USO1: variants seen among roughly 807,000 people sequenced by gnomAD.
USO1 encodes the protein USO1 vesicle transport factor, also known as general vesicular transport factor p115.
In USO1, 57 loss-of-function variants were observed where a neutral mutation model predicts 124.5. That is an observed-to-expected ratio of 0.46 (90% CI 0.37 to 0.57). The LOEUF (loss-of-function observed/expected upper bound fraction) is 0.57. Among genes scored for constraint, USO1 ranks in the 20% least tolerant of loss-of-function variants. The pLI is 0.00. For missense variants in USO1, 900 were observed against 1,040.6 expected (o/e 0.86, Z 1.86); for synonymous variants, 369 against 362.8 (o/e 1.02, Z -0.19).
In USO1 at chr4:75,733,908, A is replaced by T. The variant is rs780004515; in HGVS notation, c.66+9023A>T. Among the ~76,000 whole-genome samples, 210 of 144,198 alleles carry T rather than the reference A, an allele frequency of 1.5e-3. 1 individual carries two copies. The highest frequency in any genetic ancestry group is 2.4e-3 in the Non-Finnish European group (157 of 66,304). 94.6% of individuals were successfully genotyped at this position (144,198 alleles called of 152,430 possible). On this transcript the variant is annotated intron_variant, in intron 1 of 23. Transcript: ENST00000514213. ...TTCTTTGCCAAGGCCAATGTCCAGGATGATATCTCCTAGATTTTCTTCGAG... is the reference window on the plus strand; with the variant it reads ...TTCTTTGCCAAGGCCAATGTCCAGGTTGATATCTCCTAGATTTTCTTCGAG...
chr4:75,728,432 G>A (rs1577919119), intron 1 of USO1, among the ~76,000 whole-genome samples: 1 of 152,146 alleles, frequency 6.6e-6, no homozygotes, highest in East Asian at 1.9e-4. Flanking sequence ...AGACCAGCCT[G>A]GCCAAACTCC....
chr4:75,808,717 C>T (rs562608295), intron 20 of USO1, among the ~76,000 whole-genome samples: 3 of 147,786 alleles, frequency 2.0e-5, no homozygotes, highest in South Asian at 4.3e-4. Context: ...CTTCCTTCTC[C>T]CCTCCCTTCC....
At chr4:75,750,914 A>G (rs1721281678) in intron 1 of USO1, among the ~76,000 whole-genome samples, 1 of 152,172 alleles carries the variant, frequency 6.6e-6, no homozygotes, top group Non-Finnish European at 1.5e-5. Context: ...ATGTAATTTT[A>G]TATGCACAGT....
rs886949984 is a variant in USO1, at chr4:75,752,603, C to T, written c.217C>T (p.Arg73Cys). ...EHLIHVLQTD[R>C]SDSEIIGYAL... ...TCTTATTCATGTTTTACAAACAGAT[C>T]GGTAAGTCTCTGTTTAATGATTTTT... is the stretch of plus-strand genomic sequence containing the variant. The change falls in exon 3 of 24, where the codon CGT becomes TGT. Residue 73 changes from arginine to cysteine, a missense_variant and splice_region_variant. Transcript: ENST00000514213. 7 of 398,262 alleles carry T rather than the reference C, an allele frequency of 1.8e-5. No individual in the cohort carries two copies. Among genetic ancestry groups the T allele is most frequent in the African/African-American group, 1.2e-4 (6 of 48,564 alleles). 24.7% of individuals were successfully genotyped at this position (398,262 alleles called of 1,614,324 possible). A position where few individuals can be genotyped will look rare whatever the true frequency, so the allele number is the denominator to read the frequency against.
intron 1 of USO1, among the ~76,000 whole-genome samples, chr4:75,726,380 C>T (rs1270627884): frequency 6.6e-6 from 1 of 151,942 alleles, no homozygotes; most frequent in Admixed American, 6.6e-5. Flanking sequence ...ACTTCAAAGC[C>T]TTCACTTTAT....
At chr4:75,737,774 A>G (rs1156470437) in intron 1 of USO1, among the ~76,000 whole-genome samples, 2 of 152,124 alleles carry the variant, frequency 1.3e-5, no homozygotes, top group East Asian at 3.8e-4. Flanking sequence ...TAAATGCTGT[A>G]TGAGTCAAAT....
intron 1 of USO1, 113 bp downstream of exon 1, chr4:75,724,998 C>G: frequency 9.3e-7 from 1 of 1,072,330 alleles, no homozygotes; most frequent in Non-Finnish European, 1.4e-6. Flanking sequence ...GGGGCATCCA[C>G]ATGCCGCCTC....
At chr4:75,796,524 C>G (rs899391533) in intron 13 of USO1, among the ~76,000 whole-genome samples, 1 of 151,640 alleles carries the variant, frequency 6.6e-6, no homozygotes, top group African/African-American at 2.4e-5. Context: ...TTAGTAGAGA[C>G]AGGGTTTCAT....
At chr4:75,737,695 G>A (rs1259501181) in intron 1 of USO1, among the ~76,000 whole-genome samples, 1 of 151,892 alleles carries the variant, frequency 6.6e-6, no homozygotes, top group Admixed American at 6.6e-5. Context: ...GAAGATCCTG[G>A]CTCTAAAAAA....
At chr4:75,776,513 A>G (rs956487792) in intron 8 of USO1, among the ~76,000 whole-genome samples, 2 of 152,178 alleles carry the variant, frequency 1.3e-5, no homozygotes, top group African/African-American at 4.8e-5. Context: ...TGAAGAAAAT[A>G]GGGTTTTAAG....
intron 1 of USO1, 123 bp downstream of exon 1, chr4:75,725,008 C>G: frequency 1.0e-6 from 1 of 973,328 alleles, no homozygotes. Context: ...CATGCCGCCT[C>G]CCCCTTTGCC....
intron 4 of USO1, among the ~76,000 whole-genome samples, chr4:75,766,578 C>T (rs931920893): frequency 6.6e-6 from 1 of 152,176 alleles, no homozygotes; most frequent in African/African-American, 2.4e-5. Context: ...CCAGAAATGT[C>T]AGGAGTGCCA....
At chr4:75,750,781 T>A (rs1419363361) in intron 1 of USO1, among the ~76,000 whole-genome samples, 1 of 152,144 alleles carries the variant, frequency 6.6e-6, no homozygotes, top group African/African-American at 2.4e-5. Context: ...CCGTGCCCAT[T>A]CTACATTTTT....
chr4:75,780,274 T>C (rs182050285), intron 8 of USO1, among the ~76,000 whole-genome samples: 9 of 152,128 alleles, frequency 5.9e-5, no homozygotes, highest in Admixed American at 2.6e-4. Flanking sequence ...AATACTGTTT[T>C]CTTTTTTTTT....
intron 8 of USO1, among the ~76,000 whole-genome samples, 175 bp from the exon 9 acceptor site, chr4:75,782,505 G>C (rs1214611430): frequency 6.6e-6 from 1 of 152,246 alleles, no homozygotes; most frequent in African/African-American, 2.4e-5. Flanking sequence ...TGGGGTACCT[G>C]AGAAAGAGCA....
intron 1 of USO1, among the ~76,000 whole-genome samples, chr4:75,733,103 AC>A (rs1720684415): frequency 6.6e-6 from 1 of 151,586 alleles, no homozygotes; most frequent in South Asian, 2.1e-4. Context: ...TACTACAAAT[AC>A]AAAAATTAGC....
chr4:75,793,622 A>T lies in USO1; in HGVS notation c.1241-68A>T, dbSNP rs923085181. ...ACACTATTTTATGTGTACAGAAAACAATTTATTTAAAATTTGGTTTACGTC... is the reference window on the plus strand; with the variant it reads ...ACACTATTTTATGTGTACAGAAAACTATTTATTTAAAATTTGGTTTACGTC... On this transcript the variant is annotated intron_variant, in intron 12 of 23. Coordinates refer to ENST00000514213, the MANE Select transcript of USO1 (RefSeq NM_003715.4). 6 of 1,537,106 alleles carry T rather than the reference A, an allele frequency of 3.9e-6. No homozygotes were observed. In the Admixed American group the frequency reaches 6.1e-5, roughly 16 times the overall value.
At chr4:75,807,354 A>G (rs958101442) in intron 20 of USO1, among the ~76,000 whole-genome samples, 8 of 151,348 alleles carry the variant, frequency 5.3e-5, no homozygotes, top group African/African-American at 1.9e-4. Context: ...CTTTCTTATT[A>G]TAAAAGAAAT....
In USO1 at chr4:75,800,796, G is replaced by A; in HGVS notation, c.1861G>A (p.Glu621Lys). The A allele has an allele frequency of 6.2e-7, 1 of 1,612,370 alleles. No homozygotes were observed. The highest frequency in any genetic ancestry group is 8.5e-7 in the Non-Finnish European group (1 of 1,179,182). Reference protein sequence around the residue: ...HEFTKLVKELEGVITKAIYKS... With the variant: ...HEFTKLVKELKGVITKAIYKS... ...GTTTACGAAGCTGGTAAAAGAACTT[G>A]AAGGTAAGACTGAAGATTTATATTG... The change falls in exon 16 of 24, where the codon GAA becomes AAA. Residue 621 changes from glutamate (E) to lysine (K), a missense_variant. This residue lies in a region of USO1 where 538 missense variants were observed against 681.6 expected (regional missense o/e 0.79). Transcript: ENST00000514213.
Sources: allele counts gnomAD v4.1 joint callset (sites outside exome capture counted in the v4.1 genomes callset), GRCh38; gene constraint gnomAD v4.1.1; regional missense constraint gnomAD v4.1.1; transcripts MANE v1.5; gene names NCBI Gene and HGNC (gene_info 2026-07-23, HGNC 2026-07-21).